Variants in EXOC6B observed in about 807,000 individuals in gnomAD.
The protein encoded by EXOC6B is SEC15 homolog B.
A neutral mutation model predicts 113.5 loss-of-function variants in EXOC6B; 54 were observed. The observed-to-expected ratio is 0.48, with a 90% CI of 0.38 to 0.60. The LOEUF (loss-of-function observed/expected upper bound fraction) is 0.60, where lower values mean the gene tolerates loss of function less well. Ranked by LOEUF, EXOC6B falls within the 20% of genes least tolerant of loss-of-function variation. EXOC6B has a pLI of 0.00. For missense variants in EXOC6B, 797 were observed against 977.5 expected, an observed-to-expected ratio of 0.82 and a Z score of 2.46; for synonymous variants, 357 against 339.0, an observed-to-expected ratio of 1.05 and a Z score of -0.58.
intron 20 of EXOC6B, among the ~76,000 whole-genome samples, chr2:72,313,319 A>G (rs541034640): frequency 6.6e-6 from 1 of 152,278 alleles, no homozygotes; most frequent in East Asian, 1.9e-4. Flanking sequence ...CCTCCATGAC[A>G]CATGTTTACC....
rs151248355 is a variant in EXOC6B at position 72,306,189 on chromosome 2, C to A, written c.2196+28758G>T. On this transcript the variant is annotated intron_variant, in intron 20 of 21. Transcript: ENST00000272427. Reference sequence around the variant, plus strand: ...CCATTTAAACATTATTTATAAAAAACAAGGTAAATAATAGATCAGAATTAA... The same window carrying A: ...CCATTTAAACATTATTTATAAAAAAAAAGGTAAATAATAGATCAGAATTAA... Among the ~76,000 whole-genome samples the A allele has an allele frequency of 6.5e-3, 994 of 152,004 alleles. 16 individuals carry two copies. The highest frequency in any genetic ancestry group is 0.023 in the African/African-American group (957 of 41,440).
At chr2:72,520,885 C>T (rs1260895266) in intron 8 of EXOC6B, among the ~76,000 whole-genome samples, 1 of 152,092 alleles carries the variant, frequency 6.6e-6, no homozygotes, top group South Asian at 2.1e-4. Context: ...TTCTCCAGCA[C>T]AGGATGAACT....
intron 19 of EXOC6B, among the ~76,000 whole-genome samples, chr2:72,374,209 T>C (rs889229678): frequency 1.3e-5 from 2 of 152,138 alleles, no homozygotes; most frequent in African/African-American, 4.8e-5. Flanking sequence ...AATCAGTACA[T>C]CAAAGAGATT....
intron 17 of EXOC6B, among the ~76,000 whole-genome samples, chr2:72,470,894 C>G (rs1336968080): frequency 6.6e-6 from 1 of 152,120 alleles, no homozygotes; most frequent in African/African-American, 2.4e-5. Context: ...GGTTCCAAGT[C>G]TTTGCTATTG....
chr2:72,292,232 G>C (rs578250331), intron 20 of EXOC6B, among the ~76,000 whole-genome samples: 1 of 147,002 alleles, frequency 6.8e-6, no homozygotes, highest in South Asian at 2.2e-4. Flanking sequence ...ATCCCATTAA[G>C]TGAATCTGAA....
chr2:72,512,842 G>T (rs1701013944), intron 11 of EXOC6B, among the ~76,000 whole-genome samples: 1 of 151,994 alleles, frequency 6.6e-6, no homozygotes, highest in African/African-American at 2.4e-5. Flanking sequence ...TTGTATTGAG[G>T]ATGAAATAAG....
In EXOC6B at chr2:72,821,840, T is replaced by G. The variant is rs188726306; in HGVS notation, c.113+3958A>C. Among the ~76,000 whole-genome samples the G allele has an allele frequency of 1.4e-3, 218 of 152,250 alleles. 2 individuals are homozygous for G. The highest frequency in any genetic ancestry group is 5.0e-3 in the African/African-American group (206 of 41,550). ...CCACTAATGGGTACAAGGTTTCTTT[T>G]TGAGTAATGAAAATTTTCTAAAATT... On this transcript the variant is annotated intron_variant, in intron 1 of 21. Transcript: ENST00000272427.
At chr2:72,369,774 T>C (rs1226540317) in intron 19 of EXOC6B, among the ~76,000 whole-genome samples, 5 of 152,186 alleles carry the variant, frequency 3.3e-5, no homozygotes, top group African/African-American at 1.2e-4. Context: ...GGATTCCCTA[T>C]TTAACAAATG....
At chr2:72,265,154 G>A (rs1683984471) in intron 20 of EXOC6B, among the ~76,000 whole-genome samples, 1 of 152,012 alleles carries the variant, frequency 6.6e-6, no homozygotes. Flanking sequence ...TAGTGATATG[G>A]ACAATGAAGT....
At chr2:72,788,090 T>C (rs1684475540) in intron 1 of EXOC6B, among the ~76,000 whole-genome samples, 2 of 152,308 alleles carry the variant, frequency 1.3e-5, no homozygotes, top group South Asian at 2.1e-4. Context: ...TATAGCATAA[T>C]AGTTAAGAAC....
intron 20 of EXOC6B, among the ~76,000 whole-genome samples, chr2:72,306,006 GC>G (rs1686832229): frequency 6.6e-6 from 1 of 152,054 alleles, no homozygotes. Flanking sequence ...AAGCAGCATG[GC>G]CCCAGAGTCC....
chr2:72,529,245 G>A (rs1273650149), intron 8 of EXOC6B, among the ~76,000 whole-genome samples: 1 of 152,044 alleles, frequency 6.6e-6, no homozygotes, highest in African/African-American at 2.4e-5. Flanking sequence ...ATGTGTTTCG[G>A]ATTTTGTCAA....
At chr2:72,543,387 A>G (rs1167501748) in intron 8 of EXOC6B, among the ~76,000 whole-genome samples, 1 of 149,728 alleles carries the variant, frequency 6.7e-6, no homozygotes, top group Non-Finnish European at 1.5e-5. Flanking sequence ...CTTGAAAAGG[A>G]GTTATCAGAT....
At chr2:72,809,629 C>T (rs776628604) in intron 1 of EXOC6B, among the ~76,000 whole-genome samples, 14 of 152,016 alleles carry the variant, frequency 9.2e-5, no homozygotes, top group South Asian at 4.2e-4. Context: ...AACAAAGTTT[C>T]GGTTTTTTGA....
chr2:72,500,941 A>G (rs1347293531), intron 11 of EXOC6B, among the ~76,000 whole-genome samples: 4 of 152,158 alleles, frequency 2.6e-5, no homozygotes, highest in Non-Finnish European at 1.5e-5. Flanking sequence ...TAAAAGGGCT[A>G]TTACCTTTTC....
chr2:72,777,060 T>G (rs1373479573), intron 1 of EXOC6B, among the ~76,000 whole-genome samples: 1 of 151,772 alleles, frequency 6.6e-6, no homozygotes, highest in Admixed American at 6.6e-5. Flanking sequence ...GGGCAACATG[T>G]TGAAACCCCA....
At chr2:72,439,097 A>G (rs1243876289) in intron 18 of EXOC6B, among the ~76,000 whole-genome samples, 3 of 152,226 alleles carry the variant, frequency 2.0e-5, no homozygotes, top group East Asian at 1.9e-4. Flanking sequence ...TTCATTTGCA[A>G]AATGAATAAA....
intron 6 of EXOC6B, among the ~76,000 whole-genome samples, chr2:72,640,907 A>T (rs748259481): frequency 5.3e-5 from 8 of 152,208 alleles, no homozygotes; most frequent in Non-Finnish European, 8.8e-5. Flanking sequence ...ATTTCAACTC[A>T]AGGAGAAGAT....
intron 8 of EXOC6B, among the ~76,000 whole-genome samples, chr2:72,516,914 TA>T (rs544146838): frequency 6.6e-6 from 1 of 152,268 alleles, no homozygotes; most frequent in South Asian, 2.1e-4. Context: ...CCTGCCCACC[TA>T]AAAAAAGTAT....
Sources: gnomAD v4.1 joint callset for allele counts (sites outside exome capture counted in the v4.1 genomes callset) on GRCh38, gnomAD v4.1.1 for gene constraint, MANE v1.5 for transcripts, NCBI Gene and HGNC (gene_info 2026-07-23, HGNC 2026-07-21) for gene names.